SLC4A7: variants seen among roughly 807,000 people sequenced by gnomAD.
SLC4A7 encodes the protein solute carrier family 4 member 7.
Under a neutral mutation model 137.6 loss-of-function variants are expected in SLC4A7, and 51 were observed. The observed-to-expected ratio is 0.37, with a 90% CI of 0.30 to 0.47. SLC4A7 has a LOEUF of 0.47. Ranked by LOEUF, SLC4A7 falls within the 20% of genes least tolerant of loss-of-function variation. The probability of loss-of-function intolerance (pLI) is 1.00; values close to 1 mark genes in which losing one functional copy is unlikely to be tolerated. For missense variants in SLC4A7, 1,247 were observed against 1,525.4 expected (o/e 0.82, Z 3.04); for synonymous variants, 542 against 518.6 (o/e 1.05, Z -0.61).
intron 1 of SLC4A7, among the ~76,000 whole-genome samples, chr3:27,466,463 AAAAAG>A (rs1341714370): frequency 6.7e-6 from 1 of 149,022 alleles, no homozygotes; most frequent in Non-Finnish European, 1.5e-5. Context: ...AAAAAAAAAG[AAAAAG>A]AAAAGGGGGT....
At chr3:27,455,010 T>TAA (rs202045007) in intron 1 of SLC4A7, among the ~76,000 whole-genome samples, 67 of 144,954 alleles carry the variant, frequency 4.6e-4, no homozygotes, top group Non-Finnish European at 6.4e-4. Context: ...CATGACATGT[T>TAA]AAAAAAAAAA....
intron 10 of SLC4A7, among the ~76,000 whole-genome samples, chr3:27,420,367 G>C (rs1390195883): frequency 6.6e-6 from 1 of 151,306 alleles, no homozygotes; most frequent in Non-Finnish European, 1.5e-5. Flanking sequence ...GAAATTTACA[G>C]GAAAAAAAAT....
At chr3:27,448,874 C>G (rs1434553735) in intron 2 of SLC4A7, 77 bp from the exon 3 acceptor site, 5 of 1,007,430 alleles carry the variant, frequency 5.0e-6, no homozygotes, top group Non-Finnish European at 7.1e-6. Flanking sequence ...ACTCCAAAAT[C>G]TACTCTGATA....
intron 8 of SLC4A7, among the ~76,000 whole-genome samples, chr3:27,422,208 A>C (rs145880278): frequency 6.6e-6 from 1 of 152,166 alleles, no homozygotes; most frequent in African/African-American, 2.4e-5. Context: ...CAAACCAAAA[A>C]ATTACTCTGG....
At chr3:27,442,245 A>T (rs2057256662) in intron 3 of SLC4A7, among the ~76,000 whole-genome samples, 1 of 152,196 alleles carries the variant, frequency 6.6e-6, no homozygotes, top group South Asian at 2.1e-4. Flanking sequence ...TTAATGAATT[A>T]TCAGTTATCT....
intron 24 of SLC4A7, among the ~76,000 whole-genome samples, chr3:27,382,013 G>A (rs1027539887): frequency 4.0e-5 from 6 of 150,132 alleles, no homozygotes; most frequent in African/African-American, 1.5e-4. Flanking sequence ...GTTGCAGTAA[G>A]CCGAGATCAC....
chr3:27,473,923 A>T (rs1326062179), intron 1 of SLC4A7, among the ~76,000 whole-genome samples: 1 of 152,122 alleles, frequency 6.6e-6, no homozygotes. Flanking sequence ...CATGGTAATT[A>T]TTTCATATTA....
chr3:27,446,341 G>GA (rs2057634314), intron 3 of SLC4A7, among the ~76,000 whole-genome samples: 1 of 152,072 alleles, frequency 6.6e-6, no homozygotes, highest in Admixed American at 6.6e-5. Flanking sequence ...CAAAAACGAA[G>GA]AGACTTCATT....
At chr3:27,385,663 A>G (rs1169728729) in intron 23 of SLC4A7, among the ~76,000 whole-genome samples, 10 of 152,158 alleles carry the variant, frequency 6.6e-5, no homozygotes, top group Non-Finnish European at 1.3e-4. Flanking sequence ...ATGGAGGTAC[A>G]ACACAGTGAA....
chr3:27,405,041 A>T, intron 13 of SLC4A7, 78 bp from the exon 14 acceptor site: 1 of 967,946 alleles, frequency 1.0e-6, no homozygotes, highest in Non-Finnish European at 1.4e-6. Context: ...CATGTAAGAC[A>T]TCTGGAAAAT....
At position 27,376,785 on chromosome 3, in the gene SLC4A7, C is replaced by G. The variant is rs762485703; in HGVS notation, c.3759G>C (p.Val1253=). 2 of 1,597,460 alleles carry G rather than the reference C, an allele frequency of 1.3e-6. No homozygotes were observed. The highest frequency in any genetic ancestry group is 3.4e-5 in the Admixed American group (2 of 59,106). Residue 1253 remains valine, a synonymous_variant, in exon 26 of 26, where the codon GTG becomes GTC. Transcript: ENST00000454389. ...SFEDEPRKKY[V]DAETSL Reference sequence around the variant, plus strand: ...AATTCTATAATGAAGTTTCAGCATCCACGTATTTCTTTCTTGGTTCATCTT... The same window carrying G: ...AATTCTATAATGAAGTTTCAGCATCGACGTATTTCTTTCTTGGTTCATCTT...
At chr3:27,398,135 G>A in intron 17 of SLC4A7, 57 bp downstream of exon 17, 4 of 1,303,524 alleles carry the variant, frequency 3.1e-6, no homozygotes, top group East Asian at 2.3e-5. Context: ...ATAAACCAAG[G>A]AAATAAAAAC....
intron 1 of SLC4A7, chr3:27,456,563 T>C (rs2058422162): frequency 1.1e-6 from 1 of 926,810 alleles, no homozygotes. Context: ...CCAGTGCTAA[T>C]AAGCCTGACA....
At chr3:27,440,954 A>T (rs1220296589) in intron 3 of SLC4A7, among the ~76,000 whole-genome samples, 2 of 152,106 alleles carry the variant, frequency 1.3e-5, no homozygotes, top group Non-Finnish European at 2.9e-5. Flanking sequence ...CTGAGGCAGG[A>T]GAATCGCTTG....
At chr3:27,483,984 A>ACGCCCGCCG in intron 1 of SLC4A7, 83 bp downstream of exon 1, 2 of 1,106,356 alleles carry the variant, frequency 1.8e-6, no homozygotes, top group Non-Finnish European at 2.3e-6. Context: ...CCGAGCCGCG[A>ACGCCCGCCG]CGCCCGCCGC....
Position 27,394,581 on chromosome 3 carries a change from C to A in SLC4A7, c.3054G>T (p.Arg1018=), listed in dbSNP as rs764047058. The change falls in exon 20 of 26, where the codon CGG becomes CGT. Residue 1018 remains arginine (R), a synonymous_variant. Coordinates refer to ENST00000454389, the MANE Select transcript of SLC4A7 (RefSeq NM_001321103.2). The part of the protein sequence containing the change: ...QPKFLGIREQ[R]VTGLMIFILM... ...GAATAAAAATCATTAGCCCTGTAAC[C>A]CGCTGTTCACGAATTCCCAAAAACT... is the stretch of plus-strand genomic sequence containing the variant. 3 of 1,614,016 alleles carry A rather than the reference C, an allele frequency of 1.9e-6. No individual in the cohort carries two copies. The highest frequency in any genetic ancestry group is 2.5e-6 in the Non-Finnish European group (3 of 1,179,940).
rs866268347 is a variant in SLC4A7 at position 27,484,215 on chromosome 3, C to T, written c.-89G>A. 3 of 1,102,062 alleles carry T rather than the reference C, an allele frequency of 2.7e-6. No individual in the cohort carries two copies. Among genetic ancestry groups the T allele is most frequent in the South Asian group, 3.9e-5 (1 of 25,558 alleles). The allele number at this position is 1,102,062 out of a possible 1,614,324, so 68.3% of individuals were successfully genotyped here. The stretch of plus-strand genomic sequence containing the variant: ...CGCTGCCCCTGCCGCCGCCGCCGAG[C>T]CCCCGGCGCGCGAGGACAAACGTGG... On this transcript the variant is annotated 5_prime_UTR_variant, in exon 1 of 26. Transcript: ENST00000454389.
intron 1 of SLC4A7, among the ~76,000 whole-genome samples, chr3:27,469,085 C>T (rs749698736): frequency 9.9e-5 from 15 of 151,220 alleles, no homozygotes; most frequent in African/African-American, 2.9e-4. Context: ...CCAGCCTGGG[C>T]GACAGAGGGA....
intron 3 of SLC4A7, among the ~76,000 whole-genome samples, chr3:27,445,872 C>T (rs560294270): frequency 8.1e-6 from 1 of 123,842 alleles, no homozygotes; most frequent in South Asian, 2.7e-4. Flanking sequence ...GCAGAGGTTG[C>T]AGTGAGCTGA....
Sources: gnomAD v4.1 joint callset for allele counts (sites outside exome capture counted in the v4.1 genomes callset) on GRCh38, gnomAD v4.1.1 for gene constraint, MANE v1.5 for transcripts, NCBI Gene and HGNC (gene_info 2026-07-23, HGNC 2026-07-21) for gene names.